Variants in TM4SF20 observed in about 807,000 individuals in gnomAD.
The protein encoded by TM4SF20 is transmembrane 4 L6 family member 20.
In TM4SF20, 13 loss-of-function variants were observed where a neutral mutation model predicts 15.1. That is an observed-to-expected ratio of 0.86 (90% CI 0.56 to 1.36). TM4SF20 has a LOEUF of 1.36. TM4SF20 is among the 40% of genes most tolerant of loss of function. TM4SF20 has a pLI of 0.00. For missense variants in TM4SF20, 282 were observed against 268.4 expected, an observed-to-expected ratio of 1.05 and a Z score of -0.35; for synonymous variants, 92 against 96.6, an observed-to-expected ratio of 0.95 and a Z score of 0.28.
At chr2:227,373,927 CAAA>C (rs373068376) in intron 1 of TM4SF20, among the ~76,000 whole-genome samples, 30 of 103,012 alleles carry the variant, frequency 2.9e-4, no homozygotes, top group East Asian at 7.8e-4. Context: ...GACTCCGTCT[CAAA>C]AAAAAAAAAA....
At chr2:227,378,031 A>G (rs1213338187) in intron 1 of TM4SF20, among the ~76,000 whole-genome samples, 1 of 151,780 alleles carries the variant, frequency 6.6e-6, no homozygotes. Context: ...TTATCTCTAA[A>G]ACACTGATAA....
intron 2 of TM4SF20, among the ~76,000 whole-genome samples, chr2:227,368,019 ATTT>A (rs1226126996): frequency 1.7e-5 from 2 of 120,540 alleles, no homozygotes; most frequent in Non-Finnish European, 1.6e-5. Context: ...TTAACCATCT[ATTT>A]TTTTTTTTTT....
At chr2:227,367,505 C>G (rs1168208953) in intron 2 of TM4SF20, among the ~76,000 whole-genome samples, 1 of 151,456 alleles carries the variant, frequency 6.6e-6, no homozygotes, top group East Asian at 1.9e-4. Flanking sequence ...AAGAGCCCAT[C>G]TCTAAAAGAA....
At chr2:227,365,910 A>G (rs928185872) in intron 3 of TM4SF20, among the ~76,000 whole-genome samples, 183 bp downstream of exon 3, 4 of 152,230 alleles carry the variant, frequency 2.6e-5, no homozygotes, top group African/African-American at 9.6e-5. Flanking sequence ...TGTAAATCTA[A>G]TGATTCCTCC....
intron 3 of TM4SF20, among the ~76,000 whole-genome samples, chr2:227,365,108 A>G (rs573062798): frequency 3.3e-5 from 5 of 152,278 alleles, no homozygotes; most frequent in South Asian, 4.1e-4. Context: ...ATGCAGTTTC[A>G]CCATGTTGAC....
chr2:227,363,415 CA>C lies in TM4SF20; in HGVS notation c.*308del, dbSNP rs5839210. On this transcript the variant is annotated 3_prime_UTR_variant, in exon 4 of 4. Transcript: ENST00000304568. ...TCCAGCCTTTTTTGAGACCCTGTCTCAAAAAAAAAAAAAAAAAGTCCTGTAC... is the reference window on the plus strand; with the variant it reads ...TCCAGCCTTTTTTGAGACCCTGTCTCAAAAAAAAAAAAAAAAGTCCTGTAC... 0.33 allele frequency: 45,543 copies of C among 139,628 alleles called. 5,383 individuals carry two copies. The highest frequency in any genetic ancestry group is 0.43 in the Admixed American group (5,743 of 13,444). 8.6% of individuals were successfully genotyped at this position (139,628 alleles called of 1,614,324 possible).
rs2076373938 is a variant in TM4SF20 at position 227,363,583 on chromosome 2, GAT to G, written c.*139_*140del. The G allele has an allele frequency of 1.2e-6, 1 of 809,154 alleles. No homozygotes were observed. The highest frequency in any genetic ancestry group is 1.9e-6 in the Non-Finnish European group (1 of 523,550). 50.1% of individuals were successfully genotyped at this position (809,154 alleles called of 1,614,324 possible). On this transcript the variant is annotated 3_prime_UTR_variant, in exon 4 of 4. Coordinates refer to ENST00000304568, the MANE Select transcript of TM4SF20 (RefSeq NM_024795.4). ...CTCCACCTTTCCCAAATCAACCACT[GAT>G]ATGAGAGTGTTATGCATTTACAACG... is the stretch of plus-strand genomic sequence containing the variant.
intron 1 of TM4SF20, among the ~76,000 whole-genome samples, chr2:227,375,576 A>G (rs558349370): frequency 2.1e-4 from 32 of 151,952 alleles, no homozygotes; most frequent in Non-Finnish European, 4.1e-4. Context: ...TGCGAGCTCC[A>G]CCTCCTGGGT....
chr2:227,373,119 C>T (rs1436244817), intron 1 of TM4SF20, among the ~76,000 whole-genome samples: 1 of 152,174 alleles, frequency 6.6e-6, no homozygotes, highest in Non-Finnish European at 1.5e-5. Flanking sequence ...CACCCTTGCC[C>T]ATCTCATTGT....
At chr2:227,364,333 A>G (rs1202773597) in intron 3 of TM4SF20, among the ~76,000 whole-genome samples, 2 of 151,924 alleles carry the variant, frequency 1.3e-5, no homozygotes, top group Non-Finnish European at 2.9e-5. Context: ...TATTTTATTT[A>G]TTCAGATACT....
At chr2:227,373,259 G>A (rs1431651585) in intron 1 of TM4SF20, among the ~76,000 whole-genome samples, 1 of 149,790 alleles carries the variant, frequency 6.7e-6, no homozygotes, top group Non-Finnish European at 1.5e-5. Context: ...ATCTGATGAT[G>A]TACTGCCTCC....
At position 227,366,076 on chromosome 2, in the gene TM4SF20, A is replaced by G. The variant is rs781146725; in HGVS notation, c.401+17T>C. On this transcript the variant is annotated intron_variant, in intron 3 of 3. Transcript: ENST00000304568. The stretch of plus-strand genomic sequence containing the variant: ...AACTGTGTGAGACAGTAAGCCTGTG[A>G]AAATCAAGTTACTTACCTGATGTTT... 2.5e-6 allele frequency: 4 copies of G among 1,608,598 alleles called. No individual in the cohort carries two copies. In the South Asian group the frequency reaches 4.4e-5, roughly 18 times the overall value.
At chr2:227,367,304 G>A (rs1212969300) in intron 2 of TM4SF20, among the ~76,000 whole-genome samples, 2 of 152,290 alleles carry the variant, frequency 1.3e-5, no homozygotes, top group African/African-American at 4.8e-5. Context: ...TATTTCGTGA[G>A]TCAGTCATGA....
intron 1 of TM4SF20, among the ~76,000 whole-genome samples, chr2:227,373,051 T>G (rs986598375): frequency 4.6e-5 from 7 of 152,138 alleles, no homozygotes; most frequent in Non-Finnish European, 7.4e-5. Context: ...ACTCAAGTCT[T>G]ACAATTCTCC....
At position 227,379,196 on chromosome 2, in the gene TM4SF20, G is replaced by A. The variant is rs760008495; in HGVS notation, c.73C>T (p.Leu25Phe). Residue 25 changes from leucine (L) to phenylalanine (F), a missense_variant, in exon 1 of 4, where the codon CTC (leucine) becomes TTC (phenylalanine). By Grantham distance (22) the Leu-to-Phe change is conservative (BLOSUM62 0). Transcript: ENST00000304568. ...CTGACAATTAGAGGTATCGCATTGA[G>A]AACTACTCCTAACAGCAGTAGAACC... The part of the protein sequence containing the change: ...LLVLLLLGVV[L>F]NAIPLIVSLV... 2 of 1,614,172 alleles carry A rather than the reference G, an allele frequency of 1.2e-6. No individual in the cohort carries two copies. Among genetic ancestry groups the A allele is most frequent in the South Asian group, 1.1e-5 (1 of 91,082 alleles).
chr2:227,381,443 A>G (rs994888815), upstream of TM4SF20: 5 of 151,822 alleles, frequency 3.3e-5, no homozygotes, highest in African/African-American at 9.7e-5. Context: ...CTAAAAAAAT[A>G]TATTTTTTAT....
rs531027696 is a variant in TM4SF20 at position 227,375,569 on chromosome 2, G to A, written c.183+3517C>T. On this transcript the variant is annotated intron_variant, in intron 1 of 3. Transcript: ENST00000304568. ...CAGTGGCGCGATCTCAGCTTACTGC[G>A]AGCTCCACCTCCTGGGTTCACACCA... 2.6e-5 allele frequency among the ~76,000 whole-genome samples: 4 copies of A among 152,066 alleles called. No homozygotes were observed. The South Asian group carries it at 6.2e-4, about 24-fold the overall frequency.
At chr2:227,379,017 G>T in intron 1 of TM4SF20, 69 bp downstream of exon 1, 1 of 1,502,598 alleles carries the variant, frequency 6.7e-7, no homozygotes, top group Non-Finnish European at 9.1e-7. Flanking sequence ...AAGACTGGAA[G>T]ACAGCTTTTA....
At chr2:227,380,302 C>T (rs2076473702), upstream of TM4SF20, among the ~76,000 whole-genome samples, 1 of 152,214 alleles carries the variant, frequency 6.6e-6, no homozygotes, top group African/African-American at 2.4e-5. Flanking sequence ...TGCACCCCAG[C>T]CTGGGCGACA....
Sources: gnomAD v4.1 joint callset for allele counts (sites outside exome capture counted in the v4.1 genomes callset) on GRCh38, gnomAD v4.1.1 for gene constraint, MANE v1.5 for transcripts, NCBI Gene and HGNC (gene_info 2026-07-23, HGNC 2026-07-21) for gene names.